The following LAMC1 variants were observed in gnomAD, a reference collection of about 807,000 sequenced individuals.
The protein encoded by LAMC1 is laminin subunit gamma 1.
LAMC1 carries 38 observed loss-of-function variants against 173.6 expected under a neutral mutation model. The observed-to-expected ratio is 0.22, with a 90% CI of 0.17 to 0.29. The LOEUF (loss-of-function observed/expected upper bound fraction) is 0.29, where lower values mean the gene tolerates loss of function less well. Among genes scored for constraint, LAMC1 ranks in the 10% least tolerant of loss-of-function variants. The pLI is 1.00. For missense variants in LAMC1, 1,824 were observed against 2,051.8 expected, an observed-to-expected ratio of 0.89 and a Z score of 2.14; for synonymous variants, 746 against 749.1, an observed-to-expected ratio of 1.00 and a Z score of 0.07.
At chr1:183,055,554 CTG>C (rs1654566555) in intron 1 of LAMC1, among the ~76,000 whole-genome samples, 1 of 151,996 alleles carries the variant, frequency 6.6e-6, no homozygotes, top group South Asian at 2.1e-4. Context: ...TGGCTCATGC[CTG>C]TAATCCCAGC....
intron 24 of LAMC1, among the ~76,000 whole-genome samples, chr1:183,135,809 G>A (rs10797853): frequency 0.41 from 61,803 of 150,226 alleles, 12,720 homozygotes; most frequent in East Asian, 0.49. Flanking sequence ...GGATCCCTTG[G>A]GCTCAGGAGG....
rs1657157257 is a variant in LAMC1, at chr1:183,142,991, A to G, written c.*201A>G. On this transcript the variant is annotated 3_prime_UTR_variant, in exon 28 of 28. Coordinates refer to ENST00000258341, the MANE Select transcript of LAMC1 (RefSeq NM_002293.4). ...GAATCGGGAACAAAGGGTTTTATCT[A>G]ATAAAGTGTCTCTTCCATTCACGTT... 3.6e-6 allele frequency: 2 copies of G among 561,324 alleles called. No homozygotes were observed. The highest frequency in any genetic ancestry group is 3.4e-5 in the Admixed American group (1 of 28,988). The allele number at this position is 561,324 out of a possible 1,614,324, so 34.8% of individuals were successfully genotyped here. A position where few individuals can be genotyped will look rare whatever the true frequency, so the allele number is the denominator to read the frequency against.
chr1:183,030,947 T>C (rs1653833678), intron 1 of LAMC1, among the ~76,000 whole-genome samples: 3 of 152,296 alleles, frequency 2.0e-5, no homozygotes, highest in African/African-American at 7.2e-5. Flanking sequence ...ATTGCGCCTG[T>C]TGAATACCCA....
chr1:183,120,577 A>G (rs1656443520), intron 11 of LAMC1, among the ~76,000 whole-genome samples: 1 of 152,246 alleles, frequency 6.6e-6, no homozygotes, highest in Non-Finnish European at 1.5e-5. Context: ...ATAAGACTGC[A>G]AAACACTAGA....
rs1657149680 is a variant in LAMC1, at chr1:183,142,716, A to T, written c.4756A>T (p.Ile1586Phe). Residue 1586 changes from isoleucine to phenylalanine, a missense_variant, in exon 28 of 28, where the codon ATT (isoleucine) becomes TTT (phenylalanine). Physicochemically the swap from Ile to Phe is conservative, Grantham distance 21. Coordinates refer to ENST00000258341, the MANE Select transcript of LAMC1 (RefSeq NM_002293.4). ...AGATATCGAGGAGATCATGAAGGAC[A>T]TTCGCAATCTGGAGGACATCAGGAA... is the stretch of plus-strand genomic sequence containing the variant. Reference protein sequence around the residue: ...NRDIEEIMKDIRNLEDIRKTL... With the variant: ...NRDIEEIMKDFRNLEDIRKTL... 3.7e-6 allele frequency: 6 copies of T among 1,614,104 alleles called. No individual in the cohort carries two copies. The highest frequency in any genetic ancestry group is 2.2e-5 in the South Asian group (2 of 91,064).
chr1:183,107,112 G>A (rs750015135), intron 2 of LAMC1, among the ~76,000 whole-genome samples: 9 of 152,308 alleles, frequency 5.9e-5, no homozygotes, highest in South Asian at 2.1e-4. Flanking sequence ...CCCCATGCTT[G>A]TCCTCTGCCA....
chr1:183,111,473 G>T (rs1268476895), intron 4 of LAMC1, among the ~76,000 whole-genome samples: 8 of 152,082 alleles, frequency 5.3e-5, no homozygotes, highest in African/African-American at 1.7e-4. Flanking sequence ...TGTTGGAGAG[G>T]TGGGTAGCTT....
intron 1 of LAMC1, among the ~76,000 whole-genome samples, chr1:183,045,684 C>G (rs143563168): frequency 6.6e-6 from 1 of 152,110 alleles, no homozygotes; most frequent in Non-Finnish European, 1.5e-5. Context: ...TTCTCTCTAC[C>G]TGGGTTGCTG....
intron 1 of LAMC1, among the ~76,000 whole-genome samples, chr1:183,060,026 C>G (rs914735615): frequency 6.6e-6 from 1 of 151,982 alleles, no homozygotes; most frequent in African/African-American, 2.4e-5. Context: ...AGGAAGGAAA[C>G]GTGAGGATTG....
At chr1:183,107,573 GTAA>G (rs1271683164) in intron 2 of LAMC1, among the ~76,000 whole-genome samples, 2 of 152,186 alleles carry the variant, frequency 1.3e-5, no homozygotes, top group African/African-American at 4.8e-5. Flanking sequence ...GCTCACGCCT[GTAA>G]TCCCAGCACT....
At chr1:183,070,981 C>G (rs183586033) in intron 1 of LAMC1, among the ~76,000 whole-genome samples, 47 of 152,298 alleles carry the variant, frequency 3.1e-4, no homozygotes, top group Admixed American at 6.5e-4. Context: ...TTTCCTGTTT[C>G]ATCACAGCCT....
At chr1:183,084,169 G>A (rs756128201) in intron 1 of LAMC1, among the ~76,000 whole-genome samples, 1 of 152,020 alleles carries the variant, frequency 6.6e-6, no homozygotes, top group Non-Finnish European at 1.5e-5. Context: ...GTGAAACCCT[G>A]TCTCTAGTAA....
chr1:183,099,315 C>G (rs1489590819), intron 1 of LAMC1, among the ~76,000 whole-genome samples: 4 of 152,098 alleles, frequency 2.6e-5, no homozygotes, highest in Non-Finnish European at 5.9e-5. Flanking sequence ...GTCTCGAACT[C>G]CTGACCTCAA....
intron 1 of LAMC1, among the ~76,000 whole-genome samples, chr1:183,082,980 A>G (rs1655325861): frequency 6.6e-6 from 1 of 152,214 alleles, no homozygotes; most frequent in Non-Finnish European, 1.5e-5. Flanking sequence ...GCTTGTGTGA[A>G]GTTAGTGAAA....
In LAMC1 at chr1:183,103,648, T is replaced by C. The variant is rs1198714361; in HGVS notation, c.723+16T>C. Reference sequence around the variant, plus strand: ...TGTGCTGCAGGTAAATTCTCACAGGTTGGCCTGAAGCCAGCTAGTTCTACA... The same window carrying C: ...TGTGCTGCAGGTAAATTCTCACAGGCTGGCCTGAAGCCAGCTAGTTCTACA... On this transcript the variant is annotated intron_variant, in intron 2 of 27. Transcript: ENST00000258341. 3.9e-6 allele frequency: 6 copies of C among 1,526,538 alleles called. No homozygotes were observed. The highest frequency in any genetic ancestry group is 5.3e-6 in the Non-Finnish European group (6 of 1,138,532). The allele number at this position is 1,526,538 out of a possible 1,614,324, so 94.6% of individuals were successfully genotyped here.
At chr1:183,130,091 G>T (rs1042967891) in intron 18 of LAMC1, among the ~76,000 whole-genome samples, 1 of 152,118 alleles carries the variant, frequency 6.6e-6, no homozygotes, top group East Asian at 1.9e-4. Context: ...TAAGACCAGC[G>T]ATATAGTGGT....
At chr1:183,123,706 CT>C (rs1285744615) in intron 13 of LAMC1, among the ~76,000 whole-genome samples, 2 of 152,158 alleles carry the variant, frequency 1.3e-5, no homozygotes, top group African/African-American at 4.8e-5. Context: ...CTGAAGTAAT[CT>C]TGTTTATTTG....
intron 1 of LAMC1, among the ~76,000 whole-genome samples, chr1:183,028,770 C>G (rs747689169): frequency 4.6e-5 from 7 of 152,144 alleles, no homozygotes; most frequent in Admixed American, 6.5e-5. Context: ...TTCCTAGATT[C>G]CTCTCTTTTC....
At position 183,133,656 on chromosome 1, in the gene LAMC1, A is replaced by G. The variant is rs983895709; in HGVS notation, c.3849+106A>G. 2.6e-6 allele frequency: 3 copies of G among 1,144,574 alleles called. No individual in the cohort carries two copies. In the African/African-American group the frequency reaches 4.7e-5, roughly 18 times the overall value. 70.9% of individuals were successfully genotyped at this position (1,144,574 alleles called of 1,614,324 possible). On this transcript the variant is annotated intron_variant, in intron 22 of 27. Coordinates refer to ENST00000258341, the MANE Select transcript of LAMC1 (RefSeq NM_002293.4). ...TCTGTCCTCCCACTGACTCGCTGGT[A>G]AAGTTGAGTCTTATTTCACATACGC...
Sources: allele counts gnomAD v4.1 joint callset (sites outside exome capture counted in the v4.1 genomes callset), GRCh38; gene constraint gnomAD v4.1.1; transcripts MANE v1.5; gene names NCBI Gene and HGNC (gene_info 2026-07-23, HGNC 2026-07-21).